HOXD4: variants seen among roughly 807,000 people sequenced by gnomAD.
HOXD4 encodes the protein homeobox protein Hox-D4.
Under a neutral mutation model 22.6 loss-of-function variants are expected in HOXD4, and 15 were observed. The observed-to-expected ratio is 0.67, with a 90% CI of 0.45 to 1.02. HOXD4 has a LOEUF of 1.02. Ranked by LOEUF, HOXD4 falls within the 50% of genes least tolerant of loss-of-function variation. The pLI, the probability that HOXD4 is intolerant of heterozygous loss-of-function variation, is 0.00. For missense variants in HOXD4, 350 were observed against 346.6 expected (o/e 1.01, Z -0.08); for synonymous variants, 176 against 157.0 (o/e 1.12, Z -0.90).
chr2:176,152,665 A>G lies in HOXD4; in HGVS notation c.491A>G (p.Gln164Arg), dbSNP rs372805006. The G allele has an allele frequency of 1.2e-5, 20 of 1,614,090 alleles. No individual in the cohort carries two copies. Among genetic ancestry groups the G allele is most frequent in the Non-Finnish European group, 1.4e-5 (16 of 1,180,046 alleles). Residue 164 changes from glutamine to arginine, a missense_variant, in exon 2 of 2, where the codon CAG becomes CGG. Transcript: ENST00000306324. This position sits in a 1 kb window ranked among gnomAD's most constrained non-coding sequence, Gnocchi z 5.2. ...CGGTCCCGAACGGCCTACACCCGGC[A>G]GCAAGTCCTAGAACTGGAAAAAGAA... ...PKRSRTAYTRQQVLELEKEFH... is the reference protein window; with the variant it reads ...PKRSRTAYTRRQVLELEKEFH...
Position 176,152,976 on chromosome 2 carries a change from A to G in HOXD4, c.*34A>G. ...ACCCTGGGCCCATCTCTCCCTGCGC[A>G]CCAGGCTGAGCCGAAGCTGCGGGGG... On this transcript the variant is annotated 3_prime_UTR_variant, in exon 2 of 2. Transcript: ENST00000306324. This position sits in a 1 kb window ranked among gnomAD's most constrained non-coding sequence, Gnocchi z 5.2. The G allele has an allele frequency of 6.3e-7, 1 of 1,599,934 alleles. No individual in the cohort carries two copies. The highest frequency in any genetic ancestry group is 8.6e-7 in the Non-Finnish European group (1 of 1,167,210).
At position 176,151,618 on chromosome 2, in the gene HOXD4, C is replaced by T. The variant is rs762100298; in HGVS notation, c.-16C>T. 7 of 1,605,952 alleles carry T rather than the reference C, an allele frequency of 4.4e-6. No homozygotes were observed. Among genetic ancestry groups the T allele is most frequent in the African/African-American group, 2.7e-5 (2 of 74,788 alleles). Reference sequence around the variant, plus strand: ...ACAACACGAGAAAAATTAGTATTTTCTACCTTCTGAAATTAATGGTCATGA... The same window carrying T: ...ACAACACGAGAAAAATTAGTATTTTTTACCTTCTGAAATTAATGGTCATGA... On this transcript the variant is annotated 5_prime_UTR_variant, in exon 1 of 2. Coordinates refer to ENST00000306324, the MANE Select transcript of HOXD4 (RefSeq NM_014621.3).
chr2:176,151,718 C>G lies in HOXD4; in HGVS notation c.85C>G (p.Leu29Val), dbSNP rs1376391455. ...CGAGGAGTATTTGCAGGGCGGCTAC[C>G]TAGGCGAGCAGGGCGCCGACTACTA... ...PCEEYLQGGY[L>V]GEQGADYYGG... Residue 29 changes from leucine to valine, a missense_variant, in exon 1 of 2, where the codon CTA (leucine) becomes GTA (valine). Leu to Val is a conservative substitution (Grantham distance 32). Transcript: ENST00000306324. 3 of 1,613,536 alleles carry G rather than the reference C, an allele frequency of 1.9e-6. No homozygotes were observed. Among genetic ancestry groups the G allele is most frequent in the Non-Finnish European group, 2.5e-6 (3 of 1,179,978 alleles).
At position 176,151,951 on chromosome 2, in the gene HOXD4, C is replaced by A; in HGVS notation, c.318C>A (p.Pro106=). Residue 106 remains proline, a synonymous_variant, in exon 1 of 2, where the codon CCC becomes CCA. Coordinates refer to ENST00000306324, the MANE Select transcript of HOXD4 (RefSeq NM_014621.3). ...CTCCCCCGGCGCCTCCGCCGGCGCC[C>A]CTGCCTGGCGCCCGGGCCTACAGTC... ...CPAPPAPPPA[P]LPGARAYSQS... is the part of the protein sequence containing the mutation. 2 of 1,610,778 alleles carry A rather than the reference C, an allele frequency of 1.2e-6. No individual in the cohort carries two copies. The highest frequency in any genetic ancestry group is 1.7e-6 in the Non-Finnish European group (2 of 1,178,484).
Position 176,151,949 on chromosome 2 carries a change from C to G in HOXD4, c.316C>G (p.Pro106Ala). ...AGCTCCCCCGGCGCCTCCGCCGGCGCCCCTGCCTGGCGCCCGGGCCTACAG... is the reference window on the plus strand; with the variant it reads ...AGCTCCCCCGGCGCCTCCGCCGGCGGCCCTGCCTGGCGCCCGGGCCTACAG... ...CPAPPAPPPAPLPGARAYSQS... is the reference protein window; with the variant it reads ...CPAPPAPPPAALPGARAYSQS... Residue 106 changes from proline to alanine, a missense_variant, in exon 1 of 2, where the codon CCC becomes GCC. Transcript: ENST00000306324. 6.2e-7 allele frequency: 1 copy of G among 1,610,472 alleles called. No individual in the cohort carries two copies. The highest frequency in any genetic ancestry group is 8.5e-7 in the Non-Finnish European group (1 of 1,178,380).
chr2:176,152,107 C>T lies in HOXD4; in HGVS notation c.433+41C>T, dbSNP rs148411914. The T allele has an allele frequency of 3.1e-3, 4,875 of 1,558,842 alleles. 14 individuals carry two copies. The highest frequency in any genetic ancestry group is 3.3e-3 in the Non-Finnish European group (3,756 of 1,130,748). On this transcript the variant is annotated intron_variant, in intron 1 of 1. Coordinates refer to ENST00000306324, the MANE Select transcript of HOXD4 (RefSeq NM_014621.3). The surrounding 1 kb of genome is among the most constrained non-coding windows in gnomAD (Gnocchi z 5.2). ...AGTAACCTTTCTGTCCACATCCCAG[C>T]CCGTTAGCCTGGGTCCTCTGGAAGG... is the stretch of plus-strand genomic sequence containing the variant.
At position 176,153,056 on chromosome 2, in the gene HOXD4, G is replaced by C; in HGVS notation, c.*114G>C. ...CTCTAAGGTACTGTGGGGTGGACCTGGGACAAGCAGGCCGCCCTCGGACTA... is the reference window on the plus strand; with the variant it reads ...CTCTAAGGTACTGTGGGGTGGACCTCGGACAAGCAGGCCGCCCTCGGACTA... On this transcript the variant is annotated 3_prime_UTR_variant, in exon 2 of 2. Transcript: ENST00000306324. 9.6e-7 allele frequency: 1 copy of C among 1,042,278 alleles called. No homozygotes were observed. The highest frequency in any genetic ancestry group is 1.5e-6 in the Non-Finnish European group (1 of 683,382). The allele number at this position is 1,042,278 out of a possible 1,614,324, so 64.6% of individuals were successfully genotyped here.
Position 176,153,114 on chromosome 2 carries a change from C to A in HOXD4, c.*172C>A. The A allele has an allele frequency of 7.7e-6, 3 of 388,150 alleles. No individual in the cohort carries two copies. Among genetic ancestry groups the A allele is most frequent in the South Asian group, 2.0e-5 (1 of 49,636 alleles). 24.0% of individuals were successfully genotyped at this position (388,150 alleles called of 1,614,324 possible). On this transcript the variant is annotated 3_prime_UTR_variant, in exon 2 of 2. Transcript: ENST00000306324. ...ATCCTGCCCGAGGGCAGCCCCCTCC[C>A]TAGAGCGGGATGGGGATGGGAGGGG... is the stretch of plus-strand genomic sequence containing the variant.
rs758990970 is a variant in HOXD4, at chr2:176,152,096, C to T, written c.433+30C>T. On this transcript the variant is annotated intron_variant, in intron 1 of 1. Transcript: ENST00000306324. This position sits in a 1 kb window ranked among gnomAD's most constrained non-coding sequence, Gnocchi z 5.2. ...GGCTAGGGTCCAGTAACCTTTCTGT[C>T]CACATCCCAGCCCGTTAGCCTGGGT... The T allele has an allele frequency of 1.3e-5, 20 of 1,592,490 alleles. No individual in the cohort carries two copies. Among genetic ancestry groups the T allele is most frequent in the Non-Finnish European group, 1.6e-5 (19 of 1,161,002 alleles).
At position 176,151,783 on chromosome 2, in the gene HOXD4, G is replaced by T. The variant is rs1339931555; in HGVS notation, c.150G>T (p.Gly50=). 2 of 1,612,352 alleles carry T rather than the reference G, an allele frequency of 1.2e-6. No individual in the cohort carries two copies. The highest frequency in any genetic ancestry group is 2.2e-5 in the South Asian group (2 of 91,046). ...AGGGCGCAGACTTCCAGCCCCCGGG[G>T]CTCTACCCACGGCCCGACTTCGGTG... is the stretch of plus-strand genomic sequence containing the variant. ...GAQGADFQPP[G]LYPRPDFGEQ... Residue 50 remains glycine, a synonymous_variant, in exon 1 of 2, where the codon GGG becomes GGT. Transcript: ENST00000306324.
chr2:176,152,775 T>C lies in HOXD4; in HGVS notation c.601T>C (p.Trp201Arg). 1 of 1,614,230 alleles carries C rather than the reference T, an allele frequency of 6.2e-7. No homozygotes were observed. The highest frequency in any genetic ancestry group is 8.5e-7 in the Non-Finnish European group (1 of 1,180,028). ...LCLSERQIKI[W>R]FQNRRMKWKK... ...TCTGTCGGAGCGCCAGATCAAGATC[T>C]GGTTCCAGAACCGGAGGATGAAGTG... Residue 201 changes from tryptophan (W) to arginine (R), a missense_variant, in exon 2 of 2, where the codon TGG (tryptophan) becomes CGG (arginine). Coordinates refer to ENST00000306324, the MANE Select transcript of HOXD4 (RefSeq NM_014621.3). The surrounding 1 kb of genome is among the most constrained non-coding windows in gnomAD (Gnocchi z 5.2).
Position 176,151,990 on chromosome 2 carries a change from G to A in HOXD4, c.357G>A (p.Lys119=). 1 of 1,613,378 alleles carries A rather than the reference G, an allele frequency of 6.2e-7. No individual in the cohort carries two copies. Among genetic ancestry groups the A allele is most frequent in the Non-Finnish European group, 8.5e-7 (1 of 1,179,838 alleles). ...GGGCCTACAGTCAGTCCGACCCCAA[G>A]CAGCCGCCCTCCGGGACGGCACTCA... ...GARAYSQSDP[K]QPPSGTALKQ... The change falls in exon 1 of 2, where the codon AAG becomes AAA. Residue 119 remains lysine (K), a synonymous_variant. Coordinates refer to ENST00000306324, the MANE Select transcript of HOXD4 (RefSeq NM_014621.3).
rs915303905 is a variant in HOXD4 at position 176,153,058 on chromosome 2, G to C, written c.*116G>C. On this transcript the variant is annotated 3_prime_UTR_variant, in exon 2 of 2. Transcript: ENST00000306324. ...CTAAGGTACTGTGGGGTGGACCTGG[G>C]ACAAGCAGGCCGCCCTCGGACTAGG... 4.7e-6 allele frequency: 4 copies of C among 852,560 alleles called. No individual in the cohort carries two copies. The highest frequency in any genetic ancestry group is 7.1e-6 in the Non-Finnish European group (4 of 562,322). 52.8% of individuals were successfully genotyped at this position (852,560 alleles called of 1,614,324 possible).
In HOXD4 at chr2:176,152,102, C is replaced by A; in HGVS notation, c.433+36C>A. The A allele has an allele frequency of 2.5e-6, 4 of 1,580,194 alleles. No homozygotes were observed. The highest frequency in any genetic ancestry group is 3.5e-6 in the Non-Finnish European group (4 of 1,149,870). ...GGTCCAGTAACCTTTCTGTCCACAT[C>A]CCAGCCCGTTAGCCTGGGTCCTCTG... On this transcript the variant is annotated intron_variant, in intron 1 of 1. Coordinates refer to ENST00000306324, the MANE Select transcript of HOXD4 (RefSeq NM_014621.3). This position sits in a 1 kb window ranked among gnomAD's most constrained non-coding sequence, Gnocchi z 5.2.
chr2:176,152,928 C>G lies in HOXD4; in HGVS notation c.754C>G (p.Leu252Val). The change falls in exon 2 of 2, where the codon CTG becomes GTG. Residue 252 changes from leucine to valine, a missense_variant. Leu to Val is a conservative substitution (Grantham distance 32, BLOSUM62 1). Coordinates refer to ENST00000306324, the MANE Select transcript of HOXD4 (RefSeq NM_014621.3). This position sits in a 1 kb window ranked among gnomAD's most constrained non-coding sequence, Gnocchi z 5.2. ...QPMAKDHHTD[L>V]TTL ...GATGGCCAAAGACCACCACACGGACCTGACGACCTTATAGAAGTGGGGACC... is the reference window on the plus strand; with the variant it reads ...GATGGCCAAAGACCACCACACGGACGTGACGACCTTATAGAAGTGGGGACC... The G allele has an allele frequency of 1.9e-6, 3 of 1,614,174 alleles. No homozygotes were observed. Among genetic ancestry groups the G allele is most frequent in the South Asian group, 1.1e-5 (1 of 91,088 alleles).
rs923564880 is a variant in HOXD4 at position 176,151,960 on chromosome 2, C to A, written c.327C>A (p.Gly109=). Residue 109 remains glycine (G), a synonymous_variant, in exon 1 of 2, where the codon GGC becomes GGA. Coordinates refer to ENST00000306324, the MANE Select transcript of HOXD4 (RefSeq NM_014621.3). ...PPAPPPAPLP[G]ARAYSQSDPK... Reference sequence around the variant, plus strand: ...CGCCTCCGCCGGCGCCCCTGCCTGGCGCCCGGGCCTACAGTCAGTCCGACC... The same window carrying A: ...CGCCTCCGCCGGCGCCCCTGCCTGGAGCCCGGGCCTACAGTCAGTCCGACC... 6.2e-7 allele frequency: 1 copy of A among 1,611,530 alleles called. No individual in the cohort carries two copies. Among genetic ancestry groups the A allele is most frequent in the Admixed American group, 1.7e-5 (1 of 59,894 alleles).
Position 176,151,560 on chromosome 2 carries a change from A to C in HOXD4, c.-74A>C, listed in dbSNP as rs569812979. 45 of 1,329,524 alleles carry C rather than the reference A, an allele frequency of 3.4e-5. No homozygotes were observed. Among genetic ancestry groups the C allele is most frequent in the Non-Finnish European group, 4.6e-5 (43 of 925,534 alleles). The allele number at this position is 1,329,524 out of a possible 1,614,324, so 82.4% of individuals were successfully genotyped here. On this transcript the variant is annotated 5_prime_UTR_variant, in exon 1 of 2. Transcript: ENST00000306324. ...TGCCCAACTTTATTCAGTTGACAGC[A>C]AGTAGGAGGGCCCTATGGAAGGAGA...
Position 176,153,124 on chromosome 2 carries a change from AT to A in HOXD4, c.*183del. The A allele has an allele frequency of 2.8e-6, 1 of 354,790 alleles. No homozygotes were observed. The allele number at this position is 354,790 out of a possible 1,614,324, so 22.0% of individuals were successfully genotyped here. ...AGGGCAGCCCCCTCCCTAGAGCGGG[AT>A]GGGGATGGGAGGGGGGGCGGGATTC... is the stretch of plus-strand genomic sequence containing the variant. On this transcript the variant is annotated 3_prime_UTR_variant, in exon 2 of 2. Coordinates refer to ENST00000306324, the MANE Select transcript of HOXD4 (RefSeq NM_014621.3).
Position 176,151,551 on chromosome 2 carries a change from G to A in HOXD4, c.-83G>A. The A allele has an allele frequency of 7.9e-7, 1 of 1,271,144 alleles. No homozygotes were observed. The highest frequency in any genetic ancestry group is 1.1e-6 in the Non-Finnish European group (1 of 875,414). 78.7% of individuals were successfully genotyped at this position (1,271,144 alleles called of 1,614,324 possible). On this transcript the variant is annotated 5_prime_UTR_variant, in exon 1 of 2. Coordinates refer to ENST00000306324, the MANE Select transcript of HOXD4 (RefSeq NM_014621.3). ...TCACATGGCTGCCCAACTTTATTCA[G>A]TTGACAGCAAGTAGGAGGGCCCTAT...
Sources: allele counts gnomAD v4.1 joint callset, GRCh38; gene constraint gnomAD v4.1.1; non-coding constraint Gnocchi (gnomAD v3.1); transcripts MANE v1.5; gene names NCBI Gene and HGNC (gene_info 2026-07-23, HGNC 2026-07-21).